SLC25A43: variants seen among roughly 807,000 people sequenced by gnomAD.
SLC25A43 encodes solute carrier family 25, member 43.
Under a neutral mutation model 22.8 loss-of-function variants are expected in SLC25A43, and 10 were observed. The observed-to-expected ratio is 0.44, with a 90% CI of 0.27 to 0.74. The LOEUF (loss-of-function observed/expected upper bound fraction) is 0.74. Among genes scored for constraint, SLC25A43 ranks in the 30% least tolerant of loss-of-function variants. SLC25A43 has a pLI of 0.17. For missense variants in SLC25A43, 233 were observed against 279.1 expected, an observed-to-expected ratio of 0.83 and a Z score of 1.18; for synonymous variants, 106 against 121.6, an observed-to-expected ratio of 0.87 and a Z score of 0.84.
chrX:119,430,937 T>A (rs767963943), intron 3 of SLC25A43, among the ~76,000 whole-genome samples: 128 of 111,701 alleles, frequency 1.1e-3, no homozygotes, highest in African/African-American at 4.0e-3. Flanking sequence ...TGTACATGCT[T>A]TGGCAGCCAC....
intron 3 of SLC25A43, among the ~76,000 whole-genome samples, chrX:119,421,111 CAAAAAAAAAAAAAAAAAAA>C (rs55775067): frequency 9.9e-5 from 5 of 50,371 alleles, no homozygotes; most frequent in Middle Eastern, 0.014. Context: ...AACTTCATCT[CAAAAAAAAAAAAAAAAAAA>C]AAAAAAAAAA....
intron 1 of SLC25A43, among the ~76,000 whole-genome samples, chrX:119,405,861 G>A (rs766922863): frequency 1.0e-4 from 11 of 110,457 alleles, no homozygotes; most frequent in Non-Finnish European, 1.9e-4. Flanking sequence ...GTGAAACTCC[G>A]TCTCTACTAA....
chrX:119,409,156 TTTTATTTATTTATTTATTTA>T (rs3078516), intron 2 of SLC25A43, among the ~76,000 whole-genome samples: 4 of 107,302 alleles, frequency 3.7e-5, no homozygotes, highest in African/African-American at 1.4e-4. Context: ...TCCATTTTTA[TTTTATTTATTTATTTATTTA>T]TTTATTTATT....
At chrX:119,430,433 C>A (rs1263522885) in intron 3 of SLC25A43, among the ~76,000 whole-genome samples, 1 of 112,251 alleles carries the variant, frequency 8.9e-6, no homozygotes, top group Admixed American at 9.5e-5. Flanking sequence ...AAGGCACTTG[C>A]CAACCATCAC....
At chrX:119,406,340 A>G (rs1239238579) in intron 1 of SLC25A43, 120 bp from the exon 2 acceptor site, 1 of 832,880 alleles carries the variant, frequency 1.2e-6, no homozygotes, top group African/African-American at 2.0e-5. Context: ...ATAGTACTAT[A>G]GTAACTTTTC....
chrX:119,427,338 T>C (rs1042298051), intron 3 of SLC25A43, among the ~76,000 whole-genome samples: 4 of 111,955 alleles, frequency 3.6e-5, no homozygotes, highest in Admixed American at 9.5e-5. Context: ...GCTTCCCCCA[T>C]TGTGATCGCA....
intron 4 of SLC25A43, among the ~76,000 whole-genome samples, chrX:119,452,578 G>A (rs1160300966): frequency 9.0e-6 from 1 of 111,109 alleles, no homozygotes; most frequent in Non-Finnish European, 1.9e-5. Flanking sequence ...TCCAGTCAAG[G>A]CCAGCATATA....
chrX:119,428,670 G>T (rs1278578336), intron 3 of SLC25A43, among the ~76,000 whole-genome samples: 1 of 112,280 alleles, frequency 8.9e-6, no homozygotes, highest in Non-Finnish European at 1.9e-5. Context: ...CATGCAAATA[G>T]ATCTGTAGGA....
intron 3 of SLC25A43, chrX:119,423,547 AG>A (rs1013306577): frequency 1.7e-5 from 1 of 57,882 alleles, no homozygotes; most frequent in African/African-American, 9.3e-5. Flanking sequence ...AAAAAAGAAA[AG>A]AAAGAAAAGG....
chrX:119,442,592 A>G (rs1434863617), intron 3 of SLC25A43, among the ~76,000 whole-genome samples: 1 of 112,140 alleles, frequency 8.9e-6, no homozygotes, highest in Non-Finnish European at 1.9e-5. Context: ...TCCTTTTGGT[A>G]ACAGTTCTTT....
intron 3 of SLC25A43, among the ~76,000 whole-genome samples, chrX:119,427,471 G>A (rs961609100): frequency 1.8e-5 from 2 of 112,225 alleles, no homozygotes; most frequent in African/African-American, 3.2e-5. Context: ...ACACCCACTC[G>A]TACCAATGTC....
At chrX:119,435,147 AT>A (rs1469524115) in intron 3 of SLC25A43, among the ~76,000 whole-genome samples, 1 of 111,272 alleles carries the variant, frequency 9.0e-6, no homozygotes, top group African/African-American at 3.3e-5. Flanking sequence ...CTTAAAAAAT[AT>A]TTTTTTAAAA....
At chrX:119,416,421 A>G (rs898505302) in intron 3 of SLC25A43, among the ~76,000 whole-genome samples, 8 of 111,655 alleles carry the variant, frequency 7.2e-5, no homozygotes, top group African/African-American at 2.3e-4. Flanking sequence ...AGGTTTCACC[A>G]TGTTAGCCAG....
intron 3 of SLC25A43, among the ~76,000 whole-genome samples, chrX:119,451,009 A>G (rs1346959748): frequency 2.7e-5 from 3 of 110,896 alleles, no homozygotes; most frequent in Non-Finnish European, 3.8e-5. Flanking sequence ...CTAAAAATAT[A>G]AAAATTAGCC....
At chrX:119,449,135 C>T (rs978442924) in intron 3 of SLC25A43, among the ~76,000 whole-genome samples, 2 of 110,411 alleles carry the variant, frequency 1.8e-5, no homozygotes, top group Admixed American at 2.0e-4. Flanking sequence ...AGAATGAGGC[C>T]GGGCACGGTG....
At chrX:119,403,181 G>T (rs1011559220) in intron 1 of SLC25A43, among the ~76,000 whole-genome samples, 4 of 111,259 alleles carry the variant, frequency 3.6e-5, no homozygotes, top group Non-Finnish European at 7.5e-5. Flanking sequence ...TGACCAAGTG[G>T]GATGGGGAAT....
chrX:119,424,011 G>A (rs1427914198), intron 3 of SLC25A43: 1 of 110,099 alleles, frequency 9.1e-6, no homozygotes, highest in African/African-American at 3.3e-5. Context: ...TCAAGTGATC[G>A]AGACCATCCT....
At chrX:119,425,627 GAA>G (rs58579795) in intron 3 of SLC25A43, among the ~76,000 whole-genome samples, 54 of 85,425 alleles carry the variant, frequency 6.3e-4, no homozygotes, top group African/African-American at 1.9e-3. Context: ...TTAGCAGTCA[GAA>G]AAAAAAAAAA....
intron 3 of SLC25A43, among the ~76,000 whole-genome samples, chrX:119,429,339 C>T (rs144964600): frequency 0.057 from 6,328 of 111,294 alleles, 168 homozygotes; most frequent in South Asian, 0.11. Flanking sequence ...CGTGAGCTGC[C>T]GTGCCCAGCT....
Sources: gnomAD v4.1 joint callset for allele counts (sites outside exome capture counted in the v4.1 genomes callset) on GRCh38, gnomAD v4.1.1 for gene constraint, MANE v1.5 for transcripts, NCBI Gene and HGNC (gene_info 2026-07-23, HGNC 2026-07-21) for gene names.